The following TSBP1 variants were observed in gnomAD, a reference collection of about 807,000 sequenced individuals.
The protein encoded by TSBP1 is testis-expressed basic protein 1.
A neutral mutation model predicts 68.8 loss-of-function variants in TSBP1; 56 were observed. The observed-to-expected ratio is 0.81, with a 90% CI of 0.66 to 1.02. TSBP1 has a LOEUF of 1.02. TSBP1 is among the 50% of genes least tolerant of loss of function. The pLI is 0.00. For missense variants in TSBP1, 502 were observed against 641.2 expected (o/e 0.78, Z 2.34); for synonymous variants, 171 against 208.7 (o/e 0.82, Z 1.56).
At chr6:32,301,958 A>AAATAATAATAATAATAAT (rs563966984) in intron 20 of TSBP1, among the ~76,000 whole-genome samples, 28 of 127,374 alleles carry the variant, frequency 2.2e-4, no homozygotes, top group Non-Finnish European at 3.2e-4. Context: ...TAAATAGTTG[A>AAATAATAATAATAATAAT]AATCATCATC....
intron 19 of TSBP1, among the ~76,000 whole-genome samples, chr6:32,311,338 T>C (rs1766381333): frequency 6.6e-6 from 1 of 152,206 alleles, no homozygotes; most frequent in Non-Finnish European, 1.5e-5. Flanking sequence ...CCTTTTGATA[T>C]AGAGTATATG....
Position 32,316,194 on chromosome 6 carries a change from T to A in TSBP1, c.560-402A>T, listed in dbSNP as rs1261110234. 6.6e-6 allele frequency among the ~76,000 whole-genome samples: 1 copy of A among 152,228 alleles called. No individual in the cohort carries two copies. The highest frequency in any genetic ancestry group is 1.5e-5 in the Non-Finnish European group (1 of 68,042). ...TCAATAATTCTGCTTACGTGTTATT[T>A]CATAATATTGTTCAGTTTATTACTG... is the stretch of plus-strand genomic sequence containing the variant. On this transcript the variant is annotated intron_variant, in intron 18 of 22. Coordinates refer to ENST00000612031, the Ensembl canonical transcript of TSBP1. This position sits in a 1 kb window ranked among gnomAD's most constrained non-coding sequence, Gnocchi z 4.5.
rs189437217 is a variant in TSBP1 at position 32,313,482 on chromosome 6, A to G, written c.580+2290T>C. Among the ~76,000 whole-genome samples, 1,001 of 151,562 alleles carry G rather than the reference A, an allele frequency of 6.6e-3. 15 individuals are homozygous for G. The highest frequency in any genetic ancestry group is 0.02 in the East Asian group (101 of 5,094). On this transcript the variant is annotated intron_variant, in intron 19 of 22. Coordinates refer to ENST00000612031, the Ensembl canonical transcript of TSBP1. Reference sequence around the variant, plus strand: ...TTTCCTTTAGTGTTTGACTTGTTCAATGCTGTTAGGTTTCTTATTTTAGTC... The same window carrying G: ...TTTCCTTTAGTGTTTGACTTGTTCAGTGCTGTTAGGTTTCTTATTTTAGTC...
chr6:32,313,428 A>G (rs1766616944), intron 19 of TSBP1, among the ~76,000 whole-genome samples: 1 of 152,244 alleles, frequency 6.6e-6, no homozygotes. Context: ...TTTAAAATGC[A>G]TTAATATCTT....
chr6:32,294,722 A>G (rs1215243560), intron 22 of TSBP1, among the ~76,000 whole-genome samples: 1 of 152,168 alleles, frequency 6.6e-6, no homozygotes, highest in Non-Finnish European at 1.5e-5. Context: ...AGTTTTGATC[A>G]TTACTGTAGA....
At chr6:32,356,164 CTGT>C (rs1437623594) in intron 6 of TSBP1, among the ~76,000 whole-genome samples, 9 of 152,134 alleles carry the variant, frequency 5.9e-5, no homozygotes, top group African/African-American at 1.9e-4. Context: ...CATGTTATCA[CTGT>C]TGTTTTCATA....
intron 6 of TSBP1, among the ~76,000 whole-genome samples, chr6:32,358,038 A>G (rs1772537831): frequency 1.3e-5 from 2 of 152,156 alleles, no homozygotes. Context: ...ACAGCCAGGG[A>G]GGGATTTTTG....
At chr6:32,347,058 TG>T (rs1562157478) in intron 9 of TSBP1, among the ~76,000 whole-genome samples, 1 of 152,218 alleles carries the variant, frequency 6.6e-6, no homozygotes, top group Non-Finnish European at 1.5e-5. Flanking sequence ...CATTCTACAA[TG>T]TATACATATA....
chr6:32,339,018 A>T lies in TSBP1; in HGVS notation c.389-19T>A, dbSNP rs747862707. On this transcript the variant is annotated intron_variant, in intron 10 of 22. Coordinates refer to ENST00000612031, the Ensembl canonical transcript of TSBP1. The stretch of plus-strand genomic sequence containing the variant: ...GTTCTGGCTAAAATACAAACAAAAA[A>T]GGTGAGTTTGAAGAGAGCATGACTC... 2 of 1,609,368 alleles carry T rather than the reference A, an allele frequency of 1.2e-6. No individual in the cohort carries two copies. The highest frequency in any genetic ancestry group is 1.7e-5 in the Admixed American group (1 of 60,020).
intron 16 of TSBP1, among the ~76,000 whole-genome samples, chr6:32,327,649 T>TTTCTCTTTTA (rs1768371176): frequency 8.4e-6 from 1 of 118,510 alleles, no homozygotes; most frequent in South Asian, 3.2e-4. Flanking sequence ...TCTAATTTTC[T>TTTCTCTTTTA]TTTTCTTTTT....
At chr6:32,319,772 T>C (rs1005534129) in intron 18 of TSBP1, among the ~76,000 whole-genome samples, 1 of 152,044 alleles carries the variant, frequency 6.6e-6, no homozygotes, top group African/African-American at 2.4e-5. Flanking sequence ...ATTATTTGCC[T>C]GTTTTATCTC....
intron 14 of TSBP1, among the ~76,000 whole-genome samples, chr6:32,334,947 C>T (rs370644860): frequency 4.6e-5 from 7 of 152,086 alleles, no homozygotes; most frequent in Non-Finnish European, 7.4e-5. Flanking sequence ...GACAGGAGAA[C>T]GGCTTGAACC....
rs73396912 is a variant in TSBP1 at position 32,326,682 on chromosome 6, A to G, written c.515-3068T>C. Among the ~76,000 whole-genome samples, 638 of 152,378 alleles carry G rather than the reference A, an allele frequency of 4.2e-3. 5 individuals are homozygous for G. The highest frequency in any genetic ancestry group is 0.014 in the African/African-American group (578 of 41,586). On this transcript the variant is annotated intron_variant, in intron 16 of 22. Transcript: ENST00000612031. ...AGAGGATCCTGTAGCTGAAAAACAA[A>G]GATAAATCAACGTGTACAGCCTGCT...
chr6:32,313,777 C>T (rs926402291), intron 19 of TSBP1, among the ~76,000 whole-genome samples: 5 of 152,216 alleles, frequency 3.3e-5, no homozygotes, highest in South Asian at 2.1e-4. Context: ...ATTATGCACA[C>T]TGCATGGGTA....
intron 6 of TSBP1, chr6:32,356,804 T>G (rs965142770): frequency 3.2e-5 from 5 of 154,386 alleles, no homozygotes; most frequent in African/African-American, 1.2e-4. Context: ...CCGAACATTT[T>G]AATATGCTGC....
chr6:32,324,681 T>C (rs1280677325), intron 16 of TSBP1: 1 of 1,550,852 alleles, frequency 6.4e-7, no homozygotes, highest in African/African-American at 1.4e-5. Context: ...GCGATCTGAC[T>C]GAAAAACAAG....
At position 32,336,761 on chromosome 6, in the gene TSBP1, G is replaced by A. The variant is rs1769727614; in HGVS notation, c.410-126C>T. ...GAACAACTACTGTGGGACTGCAGATGATCTTAGCCTGGAAGCTGCATAACC... is the reference window on the plus strand; with the variant it reads ...GAACAACTACTGTGGGACTGCAGATAATCTTAGCCTGGAAGCTGCATAACC... On this transcript the variant is annotated intron_variant, in intron 11 of 22. Transcript: ENST00000612031. This position sits in a 1 kb window ranked among gnomAD's most constrained non-coding sequence, Gnocchi z 5.2. The A allele has an allele frequency of 1.3e-6, 1 of 773,542 alleles. No homozygotes were observed. Among genetic ancestry groups the A allele is most frequent in the Non-Finnish European group, 2.2e-6 (1 of 457,364 alleles). 47.9% of individuals were successfully genotyped at this position (773,542 alleles called of 1,614,324 possible).
chr6:32,352,483 G>C (rs1286682094), intron 8 of TSBP1, among the ~76,000 whole-genome samples: 1 of 151,656 alleles, frequency 6.6e-6, no homozygotes, highest in Non-Finnish European at 1.5e-5. Flanking sequence ...GCAGAAGGTA[G>C]AAAAGAAGAT....
chr6:32,367,243 AAG>A (rs67714335), intron 4 of TSBP1, among the ~76,000 whole-genome samples: 40,022 of 130,526 alleles, frequency 0.31, 5,831 homozygotes, highest in East Asian at 0.41. Context: ...GAGGGAAGGA[AAG>A]AGAGAGAGAG....
Sources: gnomAD v4.1 joint callset for allele counts (sites outside exome capture counted in the v4.1 genomes callset) on GRCh38, gnomAD v4.1.1 for gene constraint, Gnocchi (gnomAD v3.1) non-coding constraint, MANE v1.5 for transcripts, NCBI Gene and HGNC (gene_info 2026-07-23, HGNC 2026-07-21) for gene names.